Variants in EBF1 observed in about 807,000 individuals in gnomAD.
EBF1 encodes the protein EBF transcription factor 1.
A neutral mutation model predicts 68.4 loss-of-function variants in EBF1; 10 were observed. The ratio of observed to expected loss-of-function variants is 0.15; its 90% CI spans 0.09 to 0.25. The LOEUF is 0.25. EBF1 is among the 10% of genes least tolerant of loss of function. The pLI, the probability that EBF1 is intolerant of heterozygous loss-of-function variation, is 1.00. For synonymous variants in EBF1, 298 were observed against 299.8 expected (o/e 0.99, Z 0.06); for missense variants, 509 against 794.4 (o/e 0.64, Z 4.32).
chr5:158,772,956 G>A (rs911161163), intron 10 of EBF1, among the ~76,000 whole-genome samples: 1 of 152,236 alleles, frequency 6.6e-6, no homozygotes, highest in African/African-American at 2.4e-5. Flanking sequence ...CTGTGGTTTA[G>A]AGGCATCATA....
rs1160824463 is a variant in EBF1, at chr5:158,698,488, A to G, written c.*623T>C. 1.4e-5 allele frequency: 3 copies of G among 218,906 alleles called. No homozygotes were observed. The highest frequency in any genetic ancestry group is 2.8e-5 in the Non-Finnish European group (3 of 108,790). The allele number at this position is 218,906 out of a possible 1,614,324, so 13.6% of individuals were successfully genotyped here. On this transcript the variant is annotated 3_prime_UTR_variant, in exon 16 of 16. Coordinates refer to ENST00000313708, the MANE Select transcript of EBF1 (RefSeq NM_024007.5). ...TAAGACAACAATACAAAAGAGATAA[A>G]TAAGCTTGCACTGCTAAGGGGTGGC... is the stretch of plus-strand genomic sequence containing the variant.
In EBF1 at chr5:158,934,154, A is replaced by G. The variant is rs561333210; in HGVS notation, c.555-94044T>C. Among the ~76,000 whole-genome samples, 34 of 152,260 alleles carry G rather than the reference A, an allele frequency of 2.2e-4. 1 individual carries two copies. In the South Asian group the frequency reaches 6.6e-3, roughly 30 times the overall value. ...GTAGGAGTGTGTATGTGGTATGATT[A>G]CCAGGTTAAAGGGATGACACAGACT... is the stretch of plus-strand genomic sequence containing the variant. On this transcript the variant is annotated intron_variant, in intron 6 of 15. Transcript: ENST00000313708.
rs115583160 is a variant in EBF1, at chr5:158,947,973, C to T, written c.555-107863G>A. On this transcript the variant is annotated intron_variant, in intron 6 of 15. Coordinates refer to ENST00000313708, the MANE Select transcript of EBF1 (RefSeq NM_024007.5). The stretch of plus-strand genomic sequence containing the variant: ...TTGGTATTTACCTCCAGCACTGCAA[C>T]AGAAAAAAATTTCAGCATATACTGA... Among the ~76,000 whole-genome samples the T allele has an allele frequency of 4.5e-3, 689 of 152,222 alleles. 4 individuals carry two copies. The highest frequency in any genetic ancestry group is 0.015 in the African/African-American group (635 of 41,528).
Position 158,719,942 on chromosome 5 carries a change from A to G in EBF1, c.1126-5760T>C, listed in dbSNP as rs190598251. Among the ~76,000 whole-genome samples, 331 of 152,286 alleles carry G rather than the reference A, an allele frequency of 2.2e-3. 3 individuals carry two copies. Among genetic ancestry groups the G allele is most frequent in the African/African-American group, 7.5e-3 (313 of 41,564 alleles). ...CAGAAAAAAAAAACTACAAGCATCC[A>G]TAATCAAAGTCAAGTTGAGTTGGGT... On this transcript the variant is annotated intron_variant, in intron 11 of 15. Transcript: ENST00000313708.
intron 7 of EBF1, 150 bp from the exon 8 acceptor site, chr5:158,823,467 A>G: frequency 2.6e-6 from 2 of 764,258 alleles, no homozygotes; most frequent in Non-Finnish European, 4.1e-6. Context: ...CAAGTCTAAC[A>G]AGAGGAGCTA....
intron 10 of EBF1, among the ~76,000 whole-genome samples, chr5:158,771,158 C>G (rs528847581): frequency 6.6e-6 from 1 of 152,232 alleles, no homozygotes; most frequent in South Asian, 2.1e-4. Context: ...ACATACATAA[C>G]ATCAAACTCT....
At chr5:158,739,849 C>T (rs1304407531) in intron 10 of EBF1, among the ~76,000 whole-genome samples, 1 of 152,154 alleles carries the variant, frequency 6.6e-6, no homozygotes, top group African/African-American at 2.4e-5. Flanking sequence ...ATATCCCCAC[C>T]CCAGCAAGTG....
In EBF1 at chr5:158,697,257, G is replaced by T. The variant is rs1581110848; in HGVS notation, c.*1854C>A. On this transcript the variant is annotated 3_prime_UTR_variant, in exon 16 of 16. Transcript: ENST00000313708. The stretch of plus-strand genomic sequence containing the variant: ...AAATCTACTGAACTAAATACTACAA[G>T]AATAATATGCTACTATTTTTTTTTT... 1.6e-5 allele frequency: 3 copies of T among 184,630 alleles called. No homozygotes were observed. The highest frequency in any genetic ancestry group is 1.7e-4 in the East Asian group (2 of 11,684). The allele number at this position is 184,630 out of a possible 1,614,324, so 11.4% of individuals were successfully genotyped here.
intron 6 of EBF1, among the ~76,000 whole-genome samples, chr5:159,069,049 A>C (rs1173647225): frequency 1.3e-5 from 2 of 152,132 alleles, no homozygotes; most frequent in Non-Finnish European, 2.9e-5. Flanking sequence ...CAGGTACATA[A>C]GTTGACAAGC....
At chr5:158,739,160 T>C (rs1181321667) in intron 10 of EBF1, among the ~76,000 whole-genome samples, 1 of 152,214 alleles carries the variant, frequency 6.6e-6, no homozygotes, top group East Asian at 1.9e-4. Context: ...TGAGATACAT[T>C]AAACCAATTT....
At chr5:159,063,608 A>G (rs766786497) in intron 6 of EBF1, among the ~76,000 whole-genome samples, 1 of 152,130 alleles carries the variant, frequency 6.6e-6, no homozygotes, top group Non-Finnish European at 1.5e-5. Flanking sequence ...TATACCCCCA[A>G]CCCTGAAAAC....
At chr5:158,790,545 G>A (rs1395468263) in intron 9 of EBF1, among the ~76,000 whole-genome samples, 1 of 152,110 alleles carries the variant, frequency 6.6e-6, no homozygotes, top group Non-Finnish European at 1.5e-5. Flanking sequence ...GGGACATGCT[G>A]AATACTGCAT....
intron 9 of EBF1, among the ~76,000 whole-genome samples, chr5:158,791,937 G>A (rs1217236498): frequency 6.6e-6 from 1 of 152,128 alleles, no homozygotes; most frequent in East Asian, 1.9e-4. Flanking sequence ...AAGCCAACCA[G>A]TGCTCACTCT....
intron 7 of EBF1, among the ~76,000 whole-genome samples, chr5:158,838,184 G>T (rs1002367177): frequency 6.6e-6 from 1 of 152,082 alleles, no homozygotes; most frequent in South Asian, 2.1e-4. Flanking sequence ...AGTGGCTCAC[G>T]CCTGTAATTC....
At chr5:159,015,769 T>C (rs1447079040) in intron 6 of EBF1, among the ~76,000 whole-genome samples, 6 of 152,018 alleles carry the variant, frequency 3.9e-5, no homozygotes, top group Non-Finnish European at 7.4e-5. Context: ...CCACCTGGAG[T>C]TGTGCTCTAA....
chr5:158,913,644 G>A (rs1806492332), intron 6 of EBF1, among the ~76,000 whole-genome samples: 1 of 152,130 alleles, frequency 6.6e-6, no homozygotes, highest in South Asian at 2.1e-4. Context: ...GAGGAGGGAG[G>A]GCAGTGGAAA....
chr5:158,779,221 T>C (rs1190229626), intron 9 of EBF1, among the ~76,000 whole-genome samples: 1 of 152,160 alleles, frequency 6.6e-6, no homozygotes, highest in Non-Finnish European at 1.5e-5. Flanking sequence ...GAACAATGAC[T>C]GTATTTTTAT....
At chr5:158,783,545 G>T (rs946941386) in intron 9 of EBF1, among the ~76,000 whole-genome samples, 2 of 152,122 alleles carry the variant, frequency 1.3e-5, no homozygotes, top group African/African-American at 4.8e-5. Flanking sequence ...ATCTCTGCAG[G>T]CCTCCAGGTG....
chr5:159,077,380 A>AGT (rs1014830376), intron 5 of EBF1, among the ~76,000 whole-genome samples: 17 of 152,310 alleles, frequency 1.1e-4, no homozygotes, highest in Admixed American at 1.1e-3. Flanking sequence ...CGGAGGTTAC[A>AGT]GTGACCTGAT....
Sources: gnomAD v4.1 joint callset for allele counts (sites outside exome capture counted in the v4.1 genomes callset) on GRCh38, gnomAD v4.1.1 for gene constraint, MANE v1.5 for transcripts, NCBI Gene and HGNC (gene_info 2026-07-23, HGNC 2026-07-21) for gene names.